The following ZNF407 variants were observed in gnomAD, a reference collection of about 807,000 sequenced individuals.
ZNF407 encodes the protein zinc finger protein 407.
ZNF407 carries 17 observed loss-of-function variants against 131.2 expected under a neutral mutation model. The observed-to-expected ratio is 0.13, with a 90% CI of 0.09 to 0.19. The LOEUF (loss-of-function observed/expected upper bound fraction) is 0.19. Ranked by LOEUF, ZNF407 falls within the 10% of genes least tolerant of loss-of-function variation. The pLI, the probability that ZNF407 is intolerant of heterozygous loss-of-function variation, is 1.00. For synonymous variants in ZNF407, 1,156 were observed against 1,062.0 expected (o/e 1.09, Z -1.72); for missense variants, 2,681 against 2,830.6 (o/e 0.95, Z 1.20).
intron 8 of ZNF407, among the ~76,000 whole-genome samples, chr18:75,034,504 A>G (rs1404118921): frequency 2.0e-5 from 3 of 151,230 alleles, no homozygotes; most frequent in African/African-American, 7.3e-5. Context: ...GGGTTTCACC[A>G]TGTTAGCCAG....
intron 8 of ZNF407, among the ~76,000 whole-genome samples, chr18:75,025,700 T>C (rs150626206): frequency 6.6e-6 from 1 of 152,336 alleles, no homozygotes; most frequent in African/African-American, 2.4e-5. Context: ...GAGCTGCTTT[T>C]AAAATTGGCT....
In ZNF407 at chr18:74,797,321, C is replaced by T. The variant is rs547004211; in HGVS notation, c.4877+15819C>T. ...ATTGGTTTGCTTGTCGTTAAAATAA[C>T]AGCTGTTTGCTCTGGCTGACATTGT... On this transcript the variant is annotated intron_variant, in intron 4 of 8. Transcript: ENST00000299687. 7.2e-5 allele frequency among the ~76,000 whole-genome samples: 11 copies of T among 152,342 alleles called. No individual in the cohort carries two copies. In the East Asian group the frequency reaches 2.1e-3, roughly 29 times the overall value.
In ZNF407 at chr18:74,633,150, T is replaced by C; in HGVS notation, c.2131T>C (p.Phe711Leu). 1 of 1,613,176 alleles carries C rather than the reference T, an allele frequency of 6.2e-7. No homozygotes were observed. The highest frequency in any genetic ancestry group is 1.1e-5 in the South Asian group (1 of 90,866). Residue 711 changes from phenylalanine (F) to leucine (L), a missense_variant, in exon 2 of 9, where the codon TTT becomes CTT. By Grantham distance (22) the Phe-to-Leu change is conservative. This residue lies in a region of ZNF407 where 1,789 missense variants were observed against 1,748.7 expected (regional missense o/e 1.02). Coordinates refer to ENST00000299687, the MANE Select transcript of ZNF407 (RefSeq NM_017757.3). ...GCCTCAGTTTCAGTGTAAGAAGTGT[T>C]TTTATAAAACAAGATCTTCTACTGT... ...SKPQFQCKKC[F>L]YKTRSSTVLT...
intron 8 of ZNF407, among the ~76,000 whole-genome samples, chr18:75,005,836 G>A (rs896893192): frequency 1.3e-5 from 2 of 151,826 alleles, no homozygotes; most frequent in Admixed American, 6.6e-5. Flanking sequence ...CCAGCTTATC[G>A]CACGAGAGCT....
chr18:74,658,038 G>A (rs1005416399), intron 3 of ZNF407, among the ~76,000 whole-genome samples: 1 of 150,124 alleles, frequency 6.7e-6, no homozygotes, highest in African/African-American at 2.5e-5. Flanking sequence ...ATGTGGAACT[G>A]AAAATATTAT....
intron 4 of ZNF407, among the ~76,000 whole-genome samples, chr18:74,833,799 GA>G (rs1350901665): frequency 6.6e-6 from 1 of 152,166 alleles, no homozygotes; most frequent in Non-Finnish European, 1.5e-5. Flanking sequence ...GATGACTTAG[GA>G]ATCTTAGGAT....
Position 74,663,124 on chromosome 18 carries a change from A to G in ZNF407, c.4802+22002A>G, listed in dbSNP as rs78338148. Among the ~76,000 whole-genome samples the G allele has an allele frequency of 1.0e-3, 154 of 152,212 alleles. 1 individual carries two copies. The East Asian group carries it at 0.02, about 20-fold the overall frequency. The stretch of plus-strand genomic sequence containing the variant: ...CATTGTAACCTCTAGAAAGCAACCT[A>G]GTTTTTTTTTAAGTAAAAACAGTCT... On this transcript the variant is annotated intron_variant, in intron 3 of 8. Coordinates refer to ENST00000299687, the MANE Select transcript of ZNF407 (RefSeq NM_017757.3).
At chr18:74,959,666 T>A (rs1276602361) in intron 8 of ZNF407, among the ~76,000 whole-genome samples, 1 of 152,230 alleles carries the variant, frequency 6.6e-6, no homozygotes, top group Non-Finnish European at 1.5e-5. Flanking sequence ...GGCAAGATCT[T>A]CCCAGCACAC....
At chr18:74,835,371 A>C (rs545162408) in intron 4 of ZNF407, among the ~76,000 whole-genome samples, 2 of 152,284 alleles carry the variant, frequency 1.3e-5, no homozygotes, top group South Asian at 2.1e-4. Context: ...CAGAAGGCCC[A>C]GTGGTCAGTG....
At chr18:74,641,195 A>C (rs1984698442) in intron 3 of ZNF407, 73 bp downstream of exon 3, 1 of 1,242,184 alleles carries the variant, frequency 8.1e-7, no homozygotes, top group African/African-American at 1.5e-5. Context: ...TTCGGAATTC[A>C]AAACCGATAG....
At chr18:74,954,383 A>G (rs1382483726) in intron 8 of ZNF407, among the ~76,000 whole-genome samples, 1 of 152,180 alleles carries the variant, frequency 6.6e-6, no homozygotes, top group Admixed American at 6.5e-5. Flanking sequence ...TTAAATAGCT[A>G]TATGATTATG....
intron 4 of ZNF407, among the ~76,000 whole-genome samples, chr18:74,849,060 T>A (rs1476867227): frequency 1.4e-5 from 2 of 145,398 alleles, no homozygotes; most frequent in African/African-American, 5.0e-5. Context: ...TTCTTTTTTT[T>A]TTTTTTATTT....
intron 3 of ZNF407, among the ~76,000 whole-genome samples, chr18:74,658,162 G>C (rs1985558299): frequency 6.6e-6 from 1 of 151,948 alleles, no homozygotes; most frequent in Non-Finnish European, 1.5e-5. Context: ...GCCCAGGCTG[G>C]AGTGCAGTGG....
At position 74,811,618 on chromosome 18, in the gene ZNF407, C is replaced by A. The variant is rs551540543; in HGVS notation, c.4877+30116C>A. On this transcript the variant is annotated intron_variant, in intron 4 of 8. Coordinates refer to ENST00000299687, the MANE Select transcript of ZNF407 (RefSeq NM_017757.3). ...TATTCACAATAGCAAAGACTTGGAA[C>A]CAACCCAAATGTCCAACAATGATAG... 3.0e-4 allele frequency among the ~76,000 whole-genome samples: 46 copies of A among 151,964 alleles called. No individual in the cohort carries two copies. The South Asian group carries it at 9.0e-3, about 30-fold the overall frequency.
At chr18:74,996,575 G>T (rs1486326908) in intron 8 of ZNF407, among the ~76,000 whole-genome samples, 4 of 152,242 alleles carry the variant, frequency 2.6e-5, no homozygotes, top group African/African-American at 9.6e-5. Flanking sequence ...CACAGGCAGA[G>T]AGCAGCTCAG....
At chr18:74,796,096 A>G (rs1041240124) in intron 4 of ZNF407, among the ~76,000 whole-genome samples, 4 of 152,200 alleles carry the variant, frequency 2.6e-5, no homozygotes, top group Admixed American at 1.3e-4. Context: ...GGTATTTAGT[A>G]TATTTTTTAA....
chr18:75,026,904 G>C (rs1973177680), intron 8 of ZNF407, among the ~76,000 whole-genome samples: 1 of 152,218 alleles, frequency 6.6e-6, no homozygotes, highest in Admixed American at 6.5e-5. Context: ...TCAGCTGGGT[G>C]TCAGTCCCTG....
At chr18:74,599,418 A>C (rs1354671355) in intron 1 of ZNF407, among the ~76,000 whole-genome samples, 1 of 152,232 alleles carries the variant, frequency 6.6e-6, no homozygotes, top group Non-Finnish European at 1.5e-5. Context: ...CTCCACTTCA[A>C]AAACACTGGT....
chr18:74,734,031 T>TA (rs1197609434), intron 3 of ZNF407, among the ~76,000 whole-genome samples: 2 of 152,114 alleles, frequency 1.3e-5, no homozygotes, highest in Admixed American at 6.6e-5. Flanking sequence ...CCCCTCTCGG[T>TA]AACTGTCAGA....
Sources: allele counts gnomAD v4.1 joint callset (sites outside exome capture counted in the v4.1 genomes callset), GRCh38; gene constraint gnomAD v4.1.1; regional missense constraint gnomAD v4.1.1; transcripts MANE v1.5; gene names NCBI Gene and HGNC (gene_info 2026-07-23, HGNC 2026-07-21).